The following TRPS1 variants were observed in gnomAD, a reference collection of about 807,000 sequenced individuals.
TRPS1 encodes transcriptional repressor GATA binding 1.
In TRPS1, 6 loss-of-function variants were observed where a neutral mutation model predicts 101.2. That is an observed-to-expected ratio of 0.06 (90% CI 0.03 to 0.12). The LOEUF (loss-of-function observed/expected upper bound fraction) is 0.12, where lower values mean the gene tolerates loss of function less well. Among genes scored for constraint, TRPS1 ranks in the 10% least tolerant of loss-of-function variants. The probability of loss-of-function intolerance (pLI) is 1.00; values close to 1 mark genes in which losing one functional copy is unlikely to be tolerated. For missense variants in TRPS1, 1,363 were observed against 1,567.0 expected (o/e 0.87, Z 2.20); for synonymous variants, 578 against 589.8 (o/e 0.98, Z 0.29).
At chr8:115,433,349 A>G (rs1813369504) in intron 5 of TRPS1, among the ~76,000 whole-genome samples, 2 of 152,104 alleles carry the variant, frequency 1.3e-5, no homozygotes, top group South Asian at 4.1e-4. Context: ...TTCTTACAGA[A>G]CACAAAAACT....
intron 5 of TRPS1, among the ~76,000 whole-genome samples, chr8:115,583,579 A>G (rs1817499554): frequency 1.3e-5 from 2 of 152,246 alleles, no homozygotes; most frequent in East Asian, 3.9e-4. Context: ...TATTTCTAGC[A>G]AAGATTCTAA....
At chr8:115,564,980 T>C (rs1817033170) in intron 5 of TRPS1, among the ~76,000 whole-genome samples, 1 of 152,042 alleles carries the variant, frequency 6.6e-6, no homozygotes, top group African/African-American at 2.4e-5. Flanking sequence ...CCCTACACTA[T>C]ATATATAGGG....
chr8:115,615,253 C>A (rs1818251520), intron 3 of TRPS1, among the ~76,000 whole-genome samples: 2 of 152,280 alleles, frequency 1.3e-5, no homozygotes, highest in Admixed American at 1.3e-4. Context: ...ATATCATAAG[C>A]ATCTGAACTT....
chr8:115,413,983 G>C lies in TRPS1; in HGVS notation c.*40C>G. On this transcript the variant is annotated 3_prime_UTR_variant, in exon 7 of 7. Transcript: ENST00000395715. Reference sequence around the variant, plus strand: ...TTACAAGCTATTGAATTCCCATCAAGAAAACCTATTTCTATTTAATTGTGC... The same window carrying C: ...TTACAAGCTATTGAATTCCCATCAACAAAACCTATTTCTATTTAATTGTGC... 1 of 1,597,336 alleles carries C rather than the reference G, an allele frequency of 6.3e-7. No homozygotes were observed. The highest frequency in any genetic ancestry group is 1.3e-5 in the African/African-American group (1 of 74,118).
At chr8:115,641,274 C>G (rs1563664140) in intron 1 of TRPS1, among the ~76,000 whole-genome samples, 1 of 152,186 alleles carries the variant, frequency 6.6e-6, no homozygotes, top group East Asian at 1.9e-4. Flanking sequence ...TTTCTTGTAA[C>G]CAGGGATTTT....
chr8:115,436,313 C>T lies in TRPS1; in HGVS notation c.2701-17861G>A, dbSNP rs1383654030. Among the ~76,000 whole-genome samples the T allele has an allele frequency of 3.9e-5, 6 of 152,216 alleles. No individual in the cohort carries two copies. In the Middle Eastern group the frequency reaches 0.01, roughly 259 times the overall value. Reference sequence around the variant, plus strand: ...ATGCTTCCTCTACACAGACCCCAGTCTCAGTCAGACAGGCCCGGATGGTAA... The same window carrying T: ...ATGCTTCCTCTACACAGACCCCAGTTTCAGTCAGACAGGCCCGGATGGTAA... On this transcript the variant is annotated intron_variant, in intron 5 of 6. Transcript: ENST00000395715.
intron 5 of TRPS1, among the ~76,000 whole-genome samples, chr8:115,448,825 C>T (rs572523786): frequency 6.6e-5 from 10 of 152,176 alleles, no homozygotes; most frequent in African/African-American, 2.4e-4. Context: ...ATTAGTTTGC[C>T]CTTGACAAAA....
chr8:115,463,559 C>T (rs551446707), intron 5 of TRPS1, among the ~76,000 whole-genome samples: 1 of 152,224 alleles, frequency 6.6e-6, no homozygotes, highest in Middle Eastern at 3.4e-3. Flanking sequence ...GCTGACCACA[C>T]TCAGTGAGTG....
chr8:115,463,425 T>C (rs1814238939), intron 5 of TRPS1, among the ~76,000 whole-genome samples: 1 of 152,194 alleles, frequency 6.6e-6, no homozygotes, highest in Admixed American at 6.5e-5. Flanking sequence ...TTTGCCACTC[T>C]CCTCATAAAT....
At chr8:115,526,419 T>C (rs1477724965) in intron 5 of TRPS1, among the ~76,000 whole-genome samples, 1 of 152,200 alleles carries the variant, frequency 6.6e-6, no homozygotes, top group Non-Finnish European at 1.5e-5. Flanking sequence ...CTGAAGATGT[T>C]TGAATTAGTA....
At chr8:115,562,446 G>A (rs1816967590) in intron 5 of TRPS1, among the ~76,000 whole-genome samples, 1 of 149,176 alleles carries the variant, frequency 6.7e-6, no homozygotes, top group South Asian at 2.1e-4. Context: ...ATCAAGAATT[G>A]TTCCCTCTTC....
intron 5 of TRPS1, among the ~76,000 whole-genome samples, chr8:115,480,096 A>G (rs1332605357): frequency 6.6e-6 from 1 of 152,148 alleles, no homozygotes; most frequent in Non-Finnish European, 1.5e-5. Context: ...AAAGGTGTTC[A>G]GGGATTTTCT....
intron 5 of TRPS1, among the ~76,000 whole-genome samples, chr8:115,428,303 T>C (rs1387656956): frequency 2.0e-5 from 3 of 152,194 alleles, no homozygotes; most frequent in East Asian, 3.9e-4. Flanking sequence ...CACTATTATA[T>C]ATAAAACTTC....
chr8:115,555,415 A>C (rs1482547117), intron 5 of TRPS1, among the ~76,000 whole-genome samples: 1 of 152,238 alleles, frequency 6.6e-6, no homozygotes, highest in African/African-American at 2.4e-5. Context: ...AAAAACAAGA[A>C]AGAAAACCTA....
intron 5 of TRPS1, among the ~76,000 whole-genome samples, chr8:115,423,845 C>T (rs756545890): frequency 4.6e-5 from 7 of 151,886 alleles, no homozygotes; most frequent in Admixed American, 6.6e-5. Flanking sequence ...TAAATTGGGT[C>T]GGCTGTTTTT....
In TRPS1 at chr8:115,619,244, T is replaced by G; in HGVS notation, c.854A>C (p.Gln285Pro). ...CTGGAAGTCTTTGGAATGGCTGAAC[T>G]GCACCATGTTATGAAGGGCCAAGAT... is the stretch of plus-strand genomic sequence containing the variant. ...SKILALHNMVQFSHSKDFQKV... is the reference protein window; with the variant it reads ...SKILALHNMVPFSHSKDFQKV... Residue 285 changes from glutamine (Q) to proline (P), a missense_variant, in exon 3 of 7, where the codon CAG becomes CCG. Physicochemically the swap from Gln to Pro is moderately conservative, Grantham distance 76. Coordinates refer to ENST00000395715, the MANE Select transcript of TRPS1 (RefSeq NM_014112.5). 1 of 1,614,072 alleles carries G rather than the reference T, an allele frequency of 6.2e-7. No individual in the cohort carries two copies. The highest frequency in any genetic ancestry group is 8.5e-7 in the Non-Finnish European group (1 of 1,179,920).
chr8:115,500,561 G>A (rs996982330), intron 5 of TRPS1, among the ~76,000 whole-genome samples: 3 of 152,136 alleles, frequency 2.0e-5, no homozygotes, highest in Middle Eastern at 3.2e-3. Context: ...AAACATTGTT[G>A]CCAGTTTATC....
At chr8:115,550,705 T>G (rs1033175925) in intron 5 of TRPS1, among the ~76,000 whole-genome samples, 1 of 152,190 alleles carries the variant, frequency 6.6e-6, no homozygotes, top group Non-Finnish European at 1.5e-5. Flanking sequence ...TTGGAGGTTG[T>G]TCTATTTGAC....
chr8:115,516,009 T>C (rs1815700765), intron 5 of TRPS1, among the ~76,000 whole-genome samples: 1 of 151,416 alleles, frequency 6.6e-6, no homozygotes, highest in South Asian at 2.1e-4. Context: ...AAAAAATCTA[T>C]AATTAAACTG....
Sources: allele counts gnomAD v4.1 joint callset (sites outside exome capture counted in the v4.1 genomes callset), GRCh38; gene constraint gnomAD v4.1.1; transcripts MANE v1.5; gene names NCBI Gene and HGNC (gene_info 2026-07-23, HGNC 2026-07-21).